Variants in GRID2 observed in about 807,000 individuals in gnomAD.
GRID2 encodes the protein glutamate ionotropic receptor delta type subunit 2.
GRID2 carries 33 observed loss-of-function variants against 114.8 expected under a neutral mutation model. The observed-to-expected ratio is 0.29, with a 90% confidence interval of 0.22 to 0.38. GRID2 has a LOEUF of 0.38. Among genes scored for constraint, GRID2 ranks in the 10% least tolerant of loss-of-function variants. The pLI, the probability that GRID2 is intolerant of heterozygous loss-of-function variation, is 1.00. For missense variants in GRID2, 1,184 were observed against 1,257.7 expected, an observed-to-expected ratio of 0.94 and a Z score of 0.89; for synonymous variants, 505 against 449.9, an observed-to-expected ratio of 1.12 and a Z score of -1.55.
intron 2 of GRID2, among the ~76,000 whole-genome samples, chr4:92,894,539 A>T (rs1346237204): frequency 1.3e-5 from 2 of 152,132 alleles, no homozygotes; most frequent in African/African-American, 4.8e-5. Context: ...TCAAATGGAG[A>T]ATATTGGTGA....
chr4:93,722,237 T>C (rs1729443975), intron 14 of GRID2, among the ~76,000 whole-genome samples: 1 of 152,092 alleles, frequency 6.6e-6, no homozygotes, highest in African/African-American at 2.4e-5. Flanking sequence ...AATATTATAC[T>C]AAGTACTAGT....
intron 14 of GRID2, among the ~76,000 whole-genome samples, chr4:93,698,021 G>A (rs17021022): frequency 0.041 from 6,231 of 151,386 alleles, 197 homozygotes; most frequent in African/African-American, 0.081. Flanking sequence ...AAAAGTTTAC[G>A]GGATATTTTT....
intron 5 of GRID2, among the ~76,000 whole-genome samples, chr4:93,213,266 T>G (rs1579309605): frequency 6.6e-6 from 1 of 152,288 alleles, no homozygotes; most frequent in African/African-American, 2.4e-5. Context: ...AACATTTGCC[T>G]AATTGATTCA....
chr4:93,178,545 G>A (rs1221876059), intron 4 of GRID2, among the ~76,000 whole-genome samples: 1 of 151,492 alleles, frequency 6.6e-6, no homozygotes, highest in East Asian at 2.0e-4. Flanking sequence ...ACAGGAACGT[G>A]CCAATACATC....
intron 2 of GRID2, among the ~76,000 whole-genome samples, chr4:92,901,045 A>G (rs1578420838): frequency 6.6e-6 from 1 of 152,036 alleles, no homozygotes; most frequent in East Asian, 1.9e-4. Context: ...ACGTGAATGC[A>G]GGTATATTTT....
At chr4:92,831,493 G>A (rs999931324) in intron 2 of GRID2, among the ~76,000 whole-genome samples, 8 of 134,360 alleles carry the variant, frequency 6.0e-5, no homozygotes, top group East Asian at 2.2e-4. Context: ...TGCCAATTTC[G>A]TTTTTTTTTT....
chr4:93,447,116 T>C (rs1172302607), intron 10 of GRID2, among the ~76,000 whole-genome samples: 4 of 152,000 alleles, frequency 2.6e-5, no homozygotes, highest in East Asian at 1.9e-4. Flanking sequence ...AAAACTCTCA[T>C]ACACTGTTCC....
At chr4:92,796,747 A>G (rs1246110325) in intron 2 of GRID2, among the ~76,000 whole-genome samples, 1 of 151,840 alleles carries the variant, frequency 6.6e-6, no homozygotes, top group African/African-American at 2.4e-5. Context: ...ATCATTCTGT[A>G]CATCAAACCT....
At chr4:93,088,400 A>G (rs1396735894) in intron 3 of GRID2, among the ~76,000 whole-genome samples, 1 of 152,174 alleles carries the variant, frequency 6.6e-6, no homozygotes, top group African/African-American at 2.4e-5. Context: ...AAAGTATTAC[A>G]AAACATAGTC....
chr4:92,340,947 T>C (rs1727449394), intron 1 of GRID2, among the ~76,000 whole-genome samples: 1 of 152,132 alleles, frequency 6.6e-6, no homozygotes, highest in Non-Finnish European at 1.5e-5. Context: ...AGACTGTCTA[T>C]ATGAGCTTGT....
chr4:93,275,098 C>G (rs1271302653), intron 8 of GRID2, among the ~76,000 whole-genome samples: 1 of 151,930 alleles, frequency 6.6e-6, no homozygotes, highest in Non-Finnish European at 1.5e-5. Flanking sequence ...CTCTGACAAC[C>G]ATTAATCTAC....
At chr4:92,428,277 T>C (rs1039521257) in intron 1 of GRID2, among the ~76,000 whole-genome samples, 1 of 151,872 alleles carries the variant, frequency 6.6e-6, no homozygotes, top group Non-Finnish European at 1.5e-5. Context: ...ATAATAATAA[T>C]AATAATAATA....
intron 1 of GRID2, among the ~76,000 whole-genome samples, chr4:92,500,056 C>T (rs1277302255): frequency 6.6e-6 from 1 of 152,158 alleles, no homozygotes; most frequent in Non-Finnish European, 1.5e-5. Flanking sequence ...GAAAAGTTGA[C>T]AACAATTCGT....
chr4:92,619,235 G>A (rs1441243873), intron 2 of GRID2, among the ~76,000 whole-genome samples: 2 of 151,682 alleles, frequency 1.3e-5, no homozygotes, highest in Non-Finnish European at 2.9e-5. Flanking sequence ...CCTTGGCTTT[G>A]CATTTTGATA....
chr4:93,191,650 A>G (rs1298737246), intron 4 of GRID2, among the ~76,000 whole-genome samples: 1 of 152,088 alleles, frequency 6.6e-6, no homozygotes, highest in Admixed American at 6.5e-5. Flanking sequence ...GAAAATAGCA[A>G]TAAACATTTA....
At chr4:92,311,069 A>G (rs1250946564) in intron 1 of GRID2, among the ~76,000 whole-genome samples, 2 of 151,934 alleles carry the variant, frequency 1.3e-5, no homozygotes, top group African/African-American at 2.4e-5. Context: ...CGTTTTGTCT[A>G]TTATTAGTAC....
At chr4:93,195,384 A>C (rs115108315) in intron 4 of GRID2, among the ~76,000 whole-genome samples, 1 of 152,316 alleles carries the variant, frequency 6.6e-6, no homozygotes, top group African/African-American at 2.4e-5. Flanking sequence ...CCATCTGAGA[A>C]AGCATGTGTG....
intron 10 of GRID2, among the ~76,000 whole-genome samples, chr4:93,449,932 CAA>C (rs1338144996): frequency 6.6e-6 from 1 of 151,888 alleles, no homozygotes; most frequent in Non-Finnish European, 1.5e-5. Flanking sequence ...ATTAAAGAGA[CAA>C]ATATAAAATC....
intron 14 of GRID2, among the ~76,000 whole-genome samples, chr4:93,706,166 C>T (rs1163007537): frequency 6.6e-6 from 1 of 152,058 alleles, no homozygotes; most frequent in East Asian, 1.9e-4. Flanking sequence ...TATTCTAGGT[C>T]TTTTGTGGTT....
Sources: gnomAD v4.1 joint callset for allele counts (sites outside exome capture counted in the v4.1 genomes callset) on GRCh38, gnomAD v4.1.1 for gene constraint, MANE v1.5 for transcripts, NCBI Gene and HGNC (gene_info 2026-07-23, HGNC 2026-07-21) for gene names.